The following ADAM32 variants were observed in gnomAD, a reference collection of about 807,000 sequenced individuals.
ADAM32 encodes the protein disintegrin and metalloproteinase domain-containing protein 32.
ADAM32 carries 89 observed loss-of-function variants against 114.9 expected under a neutral mutation model. The ratio of observed to expected loss-of-function variants is 0.77; its 90% CI spans 0.65 to 0.92. The LOEUF is 0.92. ADAM32 is among the 40% of genes least tolerant of loss of function. ADAM32 has a pLI of 0.00. For missense variants in ADAM32, 870 were observed against 932.8 expected, an observed-to-expected ratio of 0.93 and a Z score of 0.88; for synonymous variants, 285 against 307.5, an observed-to-expected ratio of 0.93 and a Z score of 0.77.
intron 11 of ADAM32, among the ~76,000 whole-genome samples, chr8:39,187,802 A>T (rs1806347110): frequency 1.3e-5 from 2 of 152,278 alleles, no homozygotes; most frequent in South Asian, 4.1e-4. Flanking sequence ...AATGGGAATA[A>T]TTATGCCTAT....
intron 17 of ADAM32, among the ~76,000 whole-genome samples, chr8:39,250,662 T>A (rs969984334): frequency 4.6e-5 from 7 of 152,062 alleles, no homozygotes; most frequent in Non-Finnish European, 1.0e-4. Context: ...CTTTACATAT[T>A]TGTCTTTATG....
intron 11 of ADAM32, among the ~76,000 whole-genome samples, chr8:39,207,508 G>A (rs536657696): frequency 1.2e-4 from 19 of 152,052 alleles, no homozygotes; most frequent in Non-Finnish European, 2.4e-4. Flanking sequence ...ATGAAATTAG[G>A]GTAATTCCCA....
intron 16 of ADAM32, among the ~76,000 whole-genome samples, chr8:39,240,861 C>T (rs766919497): frequency 3.3e-5 from 5 of 152,142 alleles, no homozygotes; most frequent in African/African-American, 4.8e-5. Context: ...CATGTCCTCA[C>T]ATTTCAAAAC....
At chr8:39,246,830 A>C (rs1373481318) in intron 17 of ADAM32, among the ~76,000 whole-genome samples, 1 of 152,196 alleles carries the variant, frequency 6.6e-6, no homozygotes, top group Non-Finnish European at 1.5e-5. Context: ...TCATTACTCT[A>C]AAAATTCTCT....
rs1809109210 is a variant in ADAM32, at chr8:39,223,241, A to G, written c.1525+3A>G. On this transcript the variant is annotated splice_donor_region_variant and intron_variant, in intron 14 of 24. Coordinates refer to ENST00000379907, the MANE Select transcript of ADAM32 (RefSeq NM_145004.7). ...TTGTGAGAGTGTATTTGGAAAAGGT[A>G]ATATCTTTTTGTTACATCTCAATAG... is the stretch of plus-strand genomic sequence containing the variant. 1.3e-6 allele frequency: 2 copies of G among 1,563,654 alleles called. No individual in the cohort carries two copies. Among genetic ancestry groups the G allele is most frequent in the Non-Finnish European group, 1.7e-6 (2 of 1,156,740 alleles).
At chr8:39,184,309 C>T (rs1806087299) in intron 10 of ADAM32, among the ~76,000 whole-genome samples, 1 of 152,190 alleles carries the variant, frequency 6.6e-6, no homozygotes, top group African/African-American at 2.4e-5. Flanking sequence ...CAGGCACTTC[C>T]TCTTGGCCCT....
intron 10 of ADAM32, among the ~76,000 whole-genome samples, chr8:39,178,658 C>T (rs1805663263): frequency 6.6e-6 from 1 of 152,126 alleles, no homozygotes; most frequent in Admixed American, 6.5e-5. Context: ...GGCTATCTAC[C>T]TTTGATCTTT....
At chr8:39,277,236 T>C (rs1488589285) in intron 22 of ADAM32, among the ~76,000 whole-genome samples, 1 of 152,248 alleles carries the variant, frequency 6.6e-6, no homozygotes, top group Non-Finnish European at 1.5e-5. Flanking sequence ...GCATCACCCA[T>C]AGGAAAATGT....
chr8:39,157,822 C>A, intron 6 of ADAM32: 4 of 871,996 alleles, frequency 4.6e-6, no homozygotes, highest in Non-Finnish European at 7.3e-6. Flanking sequence ...AGGTTATAGT[C>A]AGTGGAGGCA....
intron 11 of ADAM32, among the ~76,000 whole-genome samples, chr8:39,195,114 C>T (rs7016877): frequency 3.3e-5 from 5 of 152,112 alleles, no homozygotes; most frequent in Non-Finnish European, 7.4e-5. Context: ...GCTTCCTCCC[C>T]CTTCAGCCCA....
chr8:39,255,008 A>T (rs1811556208), intron 18 of ADAM32, among the ~76,000 whole-genome samples: 1 of 151,848 alleles, frequency 6.6e-6, no homozygotes, highest in Non-Finnish European at 1.5e-5. Flanking sequence ...ACTTAGAATA[A>T]TGGTCTCAAA....
chr8:39,110,761 A>C (rs1034247536), intron 1 of ADAM32, among the ~76,000 whole-genome samples: 16 of 152,240 alleles, frequency 1.1e-4, no homozygotes, highest in Admixed American at 8.5e-4. Flanking sequence ...ATAACTCAGA[A>C]GAGAGAATTT....
chr8:39,150,846 T>C (rs1393398118), intron 5 of ADAM32, among the ~76,000 whole-genome samples: 1 of 151,900 alleles, frequency 6.6e-6, no homozygotes, highest in African/African-American at 2.4e-5. Context: ...AAATATTTCA[T>C]AATTCTGCCA....
chr8:39,222,706 A>G (rs890698620), intron 13 of ADAM32, among the ~76,000 whole-genome samples: 1 of 152,124 alleles, frequency 6.6e-6, no homozygotes, highest in Non-Finnish European at 1.5e-5. Flanking sequence ...TTAGAAATGG[A>G]CTAAATTACA....
intron 11 of ADAM32, among the ~76,000 whole-genome samples, chr8:39,196,612 T>A (rs188908846): frequency 6.6e-6 from 1 of 152,190 alleles, no homozygotes; most frequent in South Asian, 2.1e-4. Flanking sequence ...TTGTCCTTCA[T>A]TCTGTTGATG....
chr8:39,224,214 T>G (rs1809186835), intron 14 of ADAM32: 1 of 152,184 alleles, frequency 6.6e-6, no homozygotes, highest in Non-Finnish European at 1.5e-5. Flanking sequence ...TCTTGGTTAT[T>G]ATGAATAATG....
chr8:39,128,425 T>G (rs943573526), intron 2 of ADAM32, among the ~76,000 whole-genome samples: 7 of 152,162 alleles, frequency 4.6e-5, no homozygotes. Flanking sequence ...GCACTTGAGA[T>G]AGTCTCTTAA....
At chr8:39,274,278 C>G (rs1437472718) in intron 20 of ADAM32, 34 bp from the exon 21 acceptor site, 1 of 1,610,362 alleles carries the variant, frequency 6.2e-7, no homozygotes, top group South Asian at 1.1e-5. Context: ...TTTCTTAGTA[C>G]TAACTTGAGA....
chr8:39,118,219 TTA>T (rs1191989303), intron 2 of ADAM32, 54 bp downstream of exon 2: 2 of 1,085,542 alleles, frequency 1.8e-6, no homozygotes, highest in Non-Finnish European at 2.5e-6. Context: ...CATATTTTTA[TTA>T]TATAGCTATG....
Sources: allele counts gnomAD v4.1 joint callset (sites outside exome capture counted in the v4.1 genomes callset), GRCh38; gene constraint gnomAD v4.1.1; transcripts MANE v1.5; gene names NCBI Gene and HGNC (gene_info 2026-07-23, HGNC 2026-07-21).